The following TARDBP variants were observed in gnomAD, a reference collection of about 807,000 sequenced individuals.
TARDBP encodes TAR DNA-binding protein 43.
Under a neutral mutation model 38.3 loss-of-function variants are expected in TARDBP, and 4 were observed. The ratio of observed to expected loss-of-function variants is 0.10; its 90% CI spans 0.05 to 0.24. The LOEUF (loss-of-function observed/expected upper bound fraction) is 0.24, where lower values mean the gene tolerates loss of function less well. Ranked by LOEUF, TARDBP falls within the 10% of genes least tolerant of loss-of-function variation. TARDBP has a pLI of 1.00. For missense variants in TARDBP, 202 were observed against 521.9 expected (o/e 0.39, Z 5.97); for synonymous variants, 184 against 183.8 (o/e 1.00, Z -0.01).
chr1:11,028,387 G>T (rs1643775949), downstream of TARDBP, among the ~76,000 whole-genome samples: 1 of 152,160 alleles, frequency 6.6e-6, no homozygotes, highest in Non-Finnish European at 1.5e-5. Context: ...ACTAAAGTCA[G>T]TATCAGGATT....
downstream of TARDBP, among the ~76,000 whole-genome samples, chr1:11,029,441 A>G (rs1643802634): frequency 6.6e-6 from 1 of 151,506 alleles, no homozygotes; most frequent in South Asian, 2.1e-4. Flanking sequence ...TTATCTTTGG[A>G]GCCAATTCTG....
rs1643677057 is a variant in TARDBP, at chr1:11,023,308, A to G, written c.*654A>G. The G allele has an allele frequency of 5.9e-6, 9 of 1,525,306 alleles. No homozygotes were observed. The Admixed American group carries it at 1.4e-4, about 23-fold the overall frequency. 94.5% of individuals were successfully genotyped at this position (1,525,306 alleles called of 1,614,324 possible). A position where few individuals can be genotyped will look rare whatever the true frequency, so the allele number is the denominator to read the frequency against. ...CTCATTCAAGAATTCGTCATCACGC[A>G]TCACAGGCCGCGTCTTTGACGGTGG... On this transcript the variant is annotated 3_prime_UTR_variant, in exon 6 of 6. Transcript: ENST00000240185.
At chr1:11,020,340 G>A (rs1260384813) in intron 4 of TARDBP, 89 bp from the exon 5 acceptor site, 24 of 1,517,390 alleles carry the variant, frequency 1.6e-5, no homozygotes, top group East Asian at 4.5e-5. Flanking sequence ...TATCCAAGGC[G>A]AATGATTTTG....
chr1:11,018,448 C>G, intron 3 of TARDBP: 1 of 431,880 alleles, frequency 2.3e-6, no homozygotes, highest in Non-Finnish European at 4.3e-6. Flanking sequence ...CTCAGCATCC[C>G]AAAGCACTGG....
chr1:11,027,747 A>C, downstream of TARDBP: 1 of 1,274,750 alleles, frequency 7.8e-7, no homozygotes, highest in Non-Finnish European at 1.1e-6. Context: ...GATGTCAACC[A>C]AAAATTATAT....
downstream of TARDBP, chr1:11,025,551 A>G (rs1643718380): frequency 6.6e-6 from 1 of 152,114 alleles, no homozygotes; most frequent in African/African-American, 2.4e-5. Flanking sequence ...TGATATACAG[A>G]TGCTGGAAAG....
In TARDBP at chr1:11,020,482, A is replaced by G; in HGVS notation, c.597A>G (p.Thr199=). 1 of 1,614,162 alleles carries G rather than the reference A, an allele frequency of 6.2e-7. No individual in the cohort carries two copies. Residue 199 remains threonine, a synonymous_variant, in exon 5 of 6, where the codon ACA becomes ACG. Transcript: ENST00000240185. The part of the protein sequence containing the change: ...RSRKVFVGRC[T]EDMTEDELRE... ...GAAAAGTGTTTGTGGGGCGCTGTAC[A>G]GAGGACATGACTGAGGATGAGCTGC...
At chr1:11,029,919 C>T (rs1437475928), downstream of TARDBP, 1 of 307,424 alleles carries the variant, frequency 3.3e-6, no homozygotes, top group East Asian at 6.8e-5. Context: ...CCACACCTGG[C>T]CTAAAAATCA....
downstream of TARDBP, chr1:11,027,489 T>C (rs199585831): frequency 6.2e-6 from 10 of 1,614,194 alleles, no homozygotes; most frequent in African/African-American, 2.7e-5. Flanking sequence ...TTTTTGCTCA[T>C]AGACGGCATG....
At chr1:11,028,140 T>G (rs1281073951), downstream of TARDBP, among the ~76,000 whole-genome samples, 1 of 151,958 alleles carries the variant, frequency 6.6e-6, no homozygotes, top group Non-Finnish European at 1.5e-5. Context: ...GAGAGTTGCT[T>G]GAACCTGGGA....
chr1:11,017,618 C>G (rs1170609155), intron 3 of TARDBP, among the ~76,000 whole-genome samples: 2 of 152,144 alleles, frequency 1.3e-5, no homozygotes, highest in Non-Finnish European at 2.9e-5. Context: ...ATTGTAAAAT[C>G]CTACTGTTGC....
Position 11,022,157 on chromosome 1 carries a change from A to G in TARDBP, c.748A>G (p.Ile250Val). 1 of 1,614,004 alleles carries G rather than the reference A, an allele frequency of 6.2e-7. No homozygotes were observed. Among genetic ancestry groups the G allele is most frequent in the Non-Finnish European group, 8.5e-7 (1 of 1,179,866 alleles). Residue 250 changes from isoleucine to valine, a missense_variant, in exon 6 of 6, where the codon ATT becomes GTT. By Grantham distance (29) the Ile-to-Val change is conservative. Transcript: ENST00000240185. The surrounding 1 kb of genome is among the most constrained non-coding windows in gnomAD (Gnocchi z 4.5). ...GTCTCTTTGTGGAGAGGACTTGATC[A>G]TTAAAGGAATCAGCGTTCATATATC... ...AQSLCGEDLIIKGISVHISNA... is the reference protein window; with the variant it reads ...AQSLCGEDLIVKGISVHISNA...
chr1:11,019,306 C>T (rs1474757275), intron 4 of TARDBP: 4 of 312,728 alleles, frequency 1.3e-5, no homozygotes, highest in African/African-American at 8.8e-5. Flanking sequence ...TTCTCAAATC[C>T]AAACACAGTC....
Position 11,025,330 on chromosome 1 carries a change from A to G in TARDBP, c.*2676A>G, listed in dbSNP as rs1453128905. 6.6e-6 allele frequency: 1 copy of G among 152,390 alleles called. No homozygotes were observed. The highest frequency in any genetic ancestry group is 1.9e-4 in the East Asian group (1 of 5,198). 9.4% of individuals were successfully genotyped at this position (152,390 alleles called of 1,614,324 possible). The stretch of plus-strand genomic sequence containing the variant: ...TTTATTAACATGTTTATGGTACTGC[A>G]TAGATACGGGTATTTATTTTACCCT... On this transcript the variant is annotated 3_prime_UTR_variant, in exon 6 of 6. Coordinates refer to ENST00000240185, the MANE Select transcript of TARDBP (RefSeq NM_007375.4).
downstream of TARDBP, chr1:11,027,572 C>T: frequency 1.2e-6 from 2 of 1,614,138 alleles, no homozygotes; most frequent in Middle Eastern, 3.3e-4. Context: ...TCAGGACTTG[C>T]CAAGGAAAAT....
downstream of TARDBP, among the ~76,000 whole-genome samples, chr1:11,028,197 G>A (rs1427437829): frequency 1.3e-5 from 2 of 151,900 alleles, no homozygotes; most frequent in African/African-American, 4.8e-5. Flanking sequence ...CTCTAGCCTG[G>A]TAAGAGCAAA....
intron 5 of TARDBP, among the ~76,000 whole-genome samples, chr1:11,021,287 T>A (rs1643633365): frequency 6.6e-6 from 1 of 152,024 alleles, no homozygotes; most frequent in African/African-American, 2.4e-5. Context: ...TACAGGTGCC[T>A]GCCACCACGC....
At chr1:11,020,112 G>A (rs985998294) in intron 4 of TARDBP, among the ~76,000 whole-genome samples, 5 of 151,556 alleles carry the variant, frequency 3.3e-5, no homozygotes, top group Non-Finnish European at 5.9e-5. Flanking sequence ...CACCCGCCTC[G>A]GCCTCTCAAA....
chr1:11,028,635 T>C (rs1643780069), downstream of TARDBP, among the ~76,000 whole-genome samples: 1 of 152,080 alleles, frequency 6.6e-6, no homozygotes, highest in Non-Finnish European at 1.5e-5. Flanking sequence ...CAAATACAGG[T>C]TTAAAAAAAC....
Sources: allele counts gnomAD v4.1 joint callset (sites outside exome capture counted in the v4.1 genomes callset), GRCh38; gene constraint gnomAD v4.1.1; non-coding constraint Gnocchi (gnomAD v3.1); transcripts MANE v1.5; gene names NCBI Gene and HGNC (gene_info 2026-07-23, HGNC 2026-07-21).